The following PLPPR1 variants were observed in gnomAD, a reference collection of about 807,000 sequenced individuals.
PLPPR1 encodes the protein phospholipid phosphatase related 1.
A neutral mutation model predicts 33.1 loss-of-function variants in PLPPR1; 10 were observed. The ratio of observed to expected loss-of-function variants is 0.30; its 90% CI spans 0.19 to 0.51. PLPPR1 has a LOEUF of 0.51. Among genes scored for constraint, PLPPR1 ranks in the 20% least tolerant of loss-of-function variants. The pLI is 0.97. For missense variants in PLPPR1, 304 were observed against 408.1 expected, an observed-to-expected ratio of 0.74 and a Z score of 2.20; for synonymous variants, 151 against 151.0, an observed-to-expected ratio of 1.00 and a Z score of 0.00.
chr9:101,182,268 G>A (rs1312665303), intron 1 of PLPPR1, among the ~76,000 whole-genome samples: 2 of 151,542 alleles, frequency 1.3e-5, no homozygotes, highest in African/African-American at 2.4e-5. Context: ...AAGGGAAGAT[G>A]TTGATCAAAG....
At chr9:101,089,938 A>C (rs140062976) in intron 1 of PLPPR1, among the ~76,000 whole-genome samples, 98 of 152,266 alleles carry the variant, frequency 6.4e-4, no homozygotes, top group African/African-American at 2.3e-3. Context: ...AGTACAGCAA[A>C]AATTTATTGT....
intron 1 of PLPPR1, among the ~76,000 whole-genome samples, chr9:101,129,740 C>T (rs910008974): frequency 2.0e-5 from 3 of 151,866 alleles, no homozygotes; most frequent in African/African-American, 4.8e-5. Context: ...CTGAGGCAGG[C>T]GAATGGTGTG....
intron 1 of PLPPR1, among the ~76,000 whole-genome samples, chr9:101,115,178 A>G (rs934415831): frequency 3.3e-5 from 5 of 152,224 alleles, no homozygotes; most frequent in Non-Finnish European, 7.3e-5. Flanking sequence ...AACCCTAGTG[A>G]AACGAAGTGC....
At chr9:101,181,602 A>ATATG (rs776999482) in intron 1 of PLPPR1, among the ~76,000 whole-genome samples, 3 of 124,038 alleles carry the variant, frequency 2.4e-5, no homozygotes, top group Non-Finnish European at 3.4e-5. Context: ...GAAATTGGGT[A>ATATG]TATGTATGTG....
chr9:101,062,149 G>GGT (rs56998660), intron 1 of PLPPR1, among the ~76,000 whole-genome samples: 14,464 of 148,276 alleles, frequency 0.098, 779 homozygotes, highest in Middle Eastern at 0.17. Context: ...GACAAAATGT[G>GGT]GTGTGTGTGT....
intron 4 of PLPPR1, among the ~76,000 whole-genome samples, chr9:101,304,822 C>T (rs1271433549): frequency 6.6e-6 from 1 of 152,136 alleles, no homozygotes; most frequent in African/African-American, 2.4e-5. Context: ...CACTGTGTGG[C>T]TCATTGGTAC....
At chr9:101,041,513 T>C (rs1830078097) in intron 1 of PLPPR1, among the ~76,000 whole-genome samples, 1 of 152,182 alleles carries the variant, frequency 6.6e-6, no homozygotes. Context: ...GAAACACAAA[T>C]TTCTATGGGA....
intron 2 of PLPPR1, among the ~76,000 whole-genome samples, chr9:101,208,345 C>G (rs1323901904): frequency 1.3e-5 from 2 of 152,152 alleles, no homozygotes; most frequent in Non-Finnish European, 2.9e-5. Context: ...GAGAATGTCT[C>G]TTGAACCTGA....
intron 2 of PLPPR1, among the ~76,000 whole-genome samples, chr9:101,200,384 A>G (rs1826470636): frequency 6.6e-6 from 1 of 152,102 alleles, no homozygotes; most frequent in Non-Finnish European, 1.5e-5. Context: ...TCCTGGGATC[A>G]CTTCACAAAT....
In PLPPR1 at chr9:101,286,242, T is replaced by A. The variant is rs766112208; in HGVS notation, c.385+6T>A. ...AAGGATCATAAGATTCACAGGTGAG[T>A]ACAAGATGGTGCTGAACTAAGCTCT... is the stretch of plus-strand genomic sequence containing the variant. On this transcript the variant is annotated splice_donor_region_variant and intron_variant, in intron 4 of 7. Transcript: ENST00000374874. 6.2e-7 allele frequency: 1 copy of A among 1,610,930 alleles called. No homozygotes were observed. Among genetic ancestry groups the A allele is most frequent in the Non-Finnish European group, 8.5e-7 (1 of 1,178,666 alleles).
At chr9:101,094,087 T>G (rs1440839107) in intron 1 of PLPPR1, among the ~76,000 whole-genome samples, 2 of 152,186 alleles carry the variant, frequency 1.3e-5, no homozygotes, top group Non-Finnish European at 2.9e-5. Flanking sequence ...TCTTCCTGCC[T>G]TGCCACTCTC....
At chr9:101,139,622 A>C (rs558627987) in intron 1 of PLPPR1, among the ~76,000 whole-genome samples, 7 of 152,066 alleles carry the variant, frequency 4.6e-5, no homozygotes, top group Non-Finnish European at 1.0e-4. Context: ...AAAAGAATGA[A>C]TCGACAGTGT....
intron 7 of PLPPR1, among the ~76,000 whole-genome samples, chr9:101,322,874 A>C (rs1829181028): frequency 6.6e-6 from 1 of 152,198 alleles, no homozygotes; most frequent in South Asian, 2.1e-4. Flanking sequence ...AAACATTATG[A>C]AAATGCATCG....
chr9:101,290,846 A>T (rs943024474), intron 4 of PLPPR1, among the ~76,000 whole-genome samples: 1 of 152,226 alleles, frequency 6.6e-6, no homozygotes, highest in Non-Finnish European at 1.5e-5. Flanking sequence ...TACAGCTCTC[A>T]GCGTGAGTGA....
chr9:101,110,133 C>G (rs1422255486), intron 1 of PLPPR1, among the ~76,000 whole-genome samples: 1 of 152,138 alleles, frequency 6.6e-6, no homozygotes, highest in Non-Finnish European at 1.5e-5. Context: ...AAGTTTTTAG[C>G]TAACAAATTA....
intron 2 of PLPPR1, among the ~76,000 whole-genome samples, chr9:101,190,114 T>A (rs1170519653): frequency 6.6e-6 from 1 of 152,150 alleles, no homozygotes; most frequent in Non-Finnish European, 1.5e-5. Flanking sequence ...ACTTGTAAAG[T>A]CTCAAACGTA....
intron 2 of PLPPR1, among the ~76,000 whole-genome samples, chr9:101,221,074 A>G (rs1310522759): frequency 6.6e-6 from 1 of 152,096 alleles, no homozygotes; most frequent in African/African-American, 2.4e-5. Context: ...TATTTTTGCA[A>G]CTTTACCATA....
chr9:101,325,094 T>A lies in PLPPR1; in HGVS notation c.*1037T>A, dbSNP rs561004379. ...CTCTTCTCAGCTTTTTTTGTACATA[T>A]TTTTTTTTTCTAAAGAGAAGAAAAA... On this transcript the variant is annotated 3_prime_UTR_variant, in exon 8 of 8. Transcript: ENST00000374874. 3 of 150,568 alleles carry A rather than the reference T, an allele frequency of 2.0e-5. No individual in the cohort carries two copies. The highest frequency in any genetic ancestry group is 6.6e-5 in the Admixed American group (1 of 15,072). The allele number at this position is 150,568 out of a possible 1,614,324, so 9.3% of individuals were successfully genotyped here.
chr9:101,039,324 A>G (rs1159647002), intron 1 of PLPPR1, among the ~76,000 whole-genome samples: 1 of 152,124 alleles, frequency 6.6e-6, no homozygotes, highest in Non-Finnish European at 1.5e-5. Context: ...TATGGAGATA[A>G]TAAAAGTACC....
Sources: gnomAD v4.1 joint callset for allele counts (sites outside exome capture counted in the v4.1 genomes callset) on GRCh38, gnomAD v4.1.1 for gene constraint, MANE v1.5 for transcripts, NCBI Gene and HGNC (gene_info 2026-07-23, HGNC 2026-07-21) for gene names.